The following BCAR3 variants were observed in gnomAD, a reference collection of about 807,000 sequenced individuals.
The protein encoded by BCAR3 is breast cancer anti-estrogen resistance protein 3.
In BCAR3, 37 loss-of-function variants were observed where a neutral mutation model predicts 80.1. The observed-to-expected ratio is 0.46, with a 90% confidence interval of 0.36 to 0.61. BCAR3 has a LOEUF of 0.61. Ranked by LOEUF, BCAR3 falls within the 20% of genes least tolerant of loss-of-function variation. The pLI, the probability that BCAR3 is intolerant of heterozygous loss-of-function variation, is 0.00. For missense variants in BCAR3, 978 were observed against 1,068.2 expected (o/e 0.92, Z 1.18); for synonymous variants, 389 against 418.9 (o/e 0.93, Z 0.87).
intron 2 of BCAR3, chr1:93,775,525 A>C (rs1347481008): frequency 6.6e-6 from 1 of 152,206 alleles, no homozygotes; most frequent in East Asian, 1.9e-4. Context: ...GCTGAAAGGA[A>C]GGGCTTTTTT....
chr1:93,662,215 T>C (rs1280820632), intron 2 of BCAR3, among the ~76,000 whole-genome samples: 1 of 152,228 alleles, frequency 6.6e-6, no homozygotes, highest in Non-Finnish European at 1.5e-5. Flanking sequence ...ATGGTCAGAA[T>C]ATTAACTTTA....
chr1:93,675,065 C>G (rs892963741), intron 1 of BCAR3, 124 bp from the exon 2 acceptor site: 1 of 763,056 alleles, frequency 1.3e-6, no homozygotes, highest in Middle Eastern at 3.4e-4. Context: ...ATTAACAGAT[C>G]AACATTTAAT....
intron 2 of BCAR3, among the ~76,000 whole-genome samples, chr1:93,790,070 G>A (rs1351578861): frequency 1.3e-5 from 2 of 152,036 alleles, no homozygotes; most frequent in Non-Finnish European, 2.9e-5. Flanking sequence ...TACATTCTAT[G>A]GCTATTAGTT....
chr1:93,602,781 C>A (rs946895560), intron 3 of BCAR3, among the ~76,000 whole-genome samples: 6 of 152,162 alleles, frequency 3.9e-5, no homozygotes, highest in African/African-American at 1.4e-4. Context: ...CACTCTAAAC[C>A]CTGCCCGAAG....
At chr1:93,683,224 A>G (rs1340695907), upstream of BCAR3, among the ~76,000 whole-genome samples, 1 of 152,234 alleles carries the variant, frequency 6.6e-6, no homozygotes, top group African/African-American at 2.4e-5. Flanking sequence ...TTCTCAAAAA[A>G]GCCAATAAAC....
intron 2 of BCAR3, among the ~76,000 whole-genome samples, chr1:93,714,659 G>A (rs555662749): frequency 6.6e-6 from 1 of 151,184 alleles, no homozygotes; most frequent in East Asian, 1.9e-4. Context: ...AGTGTGAAGG[G>A]ATAAAAATTC....
At chr1:93,562,656 A>AGCT (rs1349458123) in intron 11 of BCAR3, among the ~76,000 whole-genome samples, 1 of 151,234 alleles carries the variant, frequency 6.6e-6, no homozygotes, top group Non-Finnish European at 1.5e-5. Context: ...CTGTAGTCCC[A>AGCT]GCTACTCGGG....
rs556035081 is a variant in BCAR3, at chr1:93,743,989, A to G, written c.-62-37847T>C. ...GGGACAGAAAGTGCAGGGAAGACCC[A>G]TGGATCTAACCTAGCCAGGCCTGAT... is the stretch of plus-strand genomic sequence containing the variant. On this transcript the variant is annotated intron_variant, in intron 2 of 13. Coordinates refer to the BCAR3 transcript ENST00000370244. 4.6e-5 allele frequency among the ~76,000 whole-genome samples: 7 copies of G among 152,310 alleles called. No homozygotes were observed. The South Asian group carries it at 6.2e-4, about 14-fold the overall frequency.
chr1:93,614,072 G>A, intron 3 of BCAR3: 1 of 1,433,344 alleles, frequency 7.0e-7, no homozygotes, highest in Non-Finnish European at 9.1e-7. Flanking sequence ...GGGGGAGTGA[G>A]TCGGCTCCTT....
At chr1:93,754,443 T>C (rs968669806) in intron 2 of BCAR3, 2 of 152,212 alleles carry the variant, frequency 1.3e-5, no homozygotes, top group African/African-American at 4.8e-5. Context: ...CACTTCATCT[T>C]TTTGGAGAGC....
intron 3 of BCAR3, among the ~76,000 whole-genome samples, chr1:93,630,461 T>TAA (rs770124680): frequency 5.8e-5 from 8 of 137,758 alleles, no homozygotes; most frequent in Non-Finnish European, 1.1e-4. Flanking sequence ...ACCAGGTCTC[T>TAA]AAAAAAAAAA....
chr1:93,838,040 C>T (rs766626754), intron 2 of BCAR3, among the ~76,000 whole-genome samples: 30 of 152,214 alleles, frequency 2.0e-4, no homozygotes, highest in Admixed American at 7.2e-4. Flanking sequence ...AAATGACAAA[C>T]GCTTGGCCAG....
At chr1:93,587,470 T>G (rs551389684) in intron 5 of BCAR3, among the ~76,000 whole-genome samples, 3 of 152,284 alleles carry the variant, frequency 2.0e-5, no homozygotes, top group South Asian at 4.2e-4. Flanking sequence ...ATGAAGAAGG[T>G]GAGGCCCAGG....
intron 2 of BCAR3, among the ~76,000 whole-genome samples, chr1:93,790,292 T>C (rs1279627593): frequency 6.6e-6 from 1 of 152,178 alleles, no homozygotes; most frequent in Non-Finnish European, 1.5e-5. Context: ...TGATAGTTTG[T>C]GCTTAATAGA....
chr1:93,762,833 G>A (rs774696502), intron 2 of BCAR3, among the ~76,000 whole-genome samples: 2 of 151,820 alleles, frequency 1.3e-5, no homozygotes, highest in Non-Finnish European at 2.9e-5. Context: ...CTGAATCATA[G>A]TCAATTAATC....
intron 2 of BCAR3, among the ~76,000 whole-genome samples, chr1:93,766,678 A>T (rs922137445): frequency 6.6e-6 from 1 of 152,230 alleles, no homozygotes; most frequent in Non-Finnish European, 1.5e-5. Flanking sequence ...TCAGAAAACC[A>T]GAGTCTCCTC....
At chr1:93,661,121 C>A (rs1459191276) in intron 2 of BCAR3, among the ~76,000 whole-genome samples, 1 of 152,150 alleles carries the variant, frequency 6.6e-6, no homozygotes, top group Non-Finnish European at 1.5e-5. Flanking sequence ...CTCACCACAA[C>A]CTCCGCCTCC....
intron 3 of BCAR3, among the ~76,000 whole-genome samples, chr1:93,621,007 G>A (rs1675289958): frequency 1.3e-5 from 2 of 152,248 alleles, no homozygotes. Context: ...AAGTGGCTGA[G>A]TGGATGAACC....
intron 2 of BCAR3, among the ~76,000 whole-genome samples, chr1:93,781,209 A>G (rs1231891544): frequency 6.6e-6 from 1 of 152,286 alleles, no homozygotes; most frequent in Non-Finnish European, 1.5e-5. Flanking sequence ...ATGTTCCAGT[A>G]AAACTCTATG....
Sources: allele counts gnomAD v4.1 joint callset (sites outside exome capture counted in the v4.1 genomes callset), GRCh38; gene constraint gnomAD v4.1.1; transcripts MANE v1.5; gene names NCBI Gene and HGNC (gene_info 2026-07-23, HGNC 2026-07-21).